The following LMX1A variants were observed in gnomAD, a reference collection of about 807,000 sequenced individuals.
LMX1A encodes the protein LIM homeobox transcription factor 1-alpha.
Under a neutral mutation model 49.1 loss-of-function variants are expected in LMX1A, and 15 were observed. The observed-to-expected ratio is 0.31, with a 90% CI of 0.20 to 0.47. LMX1A has a LOEUF of 0.47. Ranked by LOEUF, LMX1A falls within the 20% of genes least tolerant of loss-of-function variation. LMX1A has a pLI of 1.00. For synonymous variants in LMX1A, 167 were observed against 185.7 expected, an observed-to-expected ratio of 0.90 and a Z score of 0.82; for missense variants, 372 against 475.8, an observed-to-expected ratio of 0.78 and a Z score of 2.03.
intron 4 of LMX1A, among the ~76,000 whole-genome samples, chr1:165,233,115 C>T (rs951046655): frequency 3.3e-5 from 5 of 152,168 alleles, no homozygotes; most frequent in Non-Finnish European, 5.9e-5. Flanking sequence ...TTTCCCATAG[C>T]CATGAAGACT....
intron 4 of LMX1A, among the ~76,000 whole-genome samples, chr1:165,245,760 C>G (rs1405569390): frequency 6.6e-6 from 1 of 152,032 alleles, no homozygotes; most frequent in African/African-American, 2.4e-5. Flanking sequence ...TCCCTCAAAA[C>G]AGGCACTATT....
At chr1:165,326,409 G>T (rs1475862465) in intron 3 of LMX1A, among the ~76,000 whole-genome samples, 1 of 152,174 alleles carries the variant, frequency 6.6e-6, no homozygotes, top group African/African-American at 2.4e-5. Flanking sequence ...CCACAAATGT[G>T]TTCCTCTCTC....
intron 3 of LMX1A, among the ~76,000 whole-genome samples, chr1:165,280,067 A>G (rs1654100019): frequency 1.3e-5 from 2 of 152,196 alleles, no homozygotes; most frequent in African/African-American, 4.8e-5. Context: ...CACACCGAGC[A>G]GGCTGAACCA....
chr1:165,336,963 G>A (rs1241812699), intron 3 of LMX1A, among the ~76,000 whole-genome samples: 1 of 152,222 alleles, frequency 6.6e-6, no homozygotes, highest in African/African-American at 2.4e-5. Flanking sequence ...GATGGGGAGA[G>A]TAGAAGTGGG....
chr1:165,268,805 A>C (rs1033768890), intron 3 of LMX1A, among the ~76,000 whole-genome samples: 1 of 152,236 alleles, frequency 6.6e-6, no homozygotes, highest in Admixed American at 6.5e-5. Flanking sequence ...AAAATAGTAC[A>C]CAGTTATCCA....
chr1:165,263,113 CT>C (rs1653496942), intron 3 of LMX1A, among the ~76,000 whole-genome samples: 1 of 152,208 alleles, frequency 6.6e-6, no homozygotes, highest in African/African-American at 2.4e-5. Flanking sequence ...GTTTAGTTCT[CT>C]TCTTTATCTA....
chr1:165,278,828 A>AT (rs1243723797), intron 3 of LMX1A, among the ~76,000 whole-genome samples: 3 of 152,206 alleles, frequency 2.0e-5, no homozygotes, highest in Admixed American at 1.3e-4. Flanking sequence ...GACAGAGTGG[A>AT]ACTGGAGCAT....
At chr1:165,278,131 T>C (rs2101702955) in intron 3 of LMX1A, among the ~76,000 whole-genome samples, 1 of 152,286 alleles carries the variant, frequency 6.6e-6, no homozygotes, top group South Asian at 2.1e-4. Flanking sequence ...GTCACAAAGC[T>C]AATAAGTGGC....
At chr1:165,306,122 C>T (rs1654913157) in intron 3 of LMX1A, among the ~76,000 whole-genome samples, 1 of 152,226 alleles carries the variant, frequency 6.6e-6, no homozygotes, top group Non-Finnish European at 1.5e-5. Flanking sequence ...AATTCATACC[C>T]ACCCATCAGA....
intron 3 of LMX1A, among the ~76,000 whole-genome samples, chr1:165,302,281 T>A (rs1166521868): frequency 6.6e-6 from 1 of 151,746 alleles, no homozygotes; most frequent in African/African-American, 2.4e-5. Context: ...CCATCTCTAC[T>A]AAAAATACAA....
At chr1:165,293,472 C>A (rs755578177) in intron 3 of LMX1A, among the ~76,000 whole-genome samples, 47 of 152,270 alleles carry the variant, frequency 3.1e-4, no homozygotes, top group Non-Finnish European at 6.3e-4. Context: ...TTATTAAGAC[C>A]TTTTCCAGCT....
At chr1:165,207,183 C>T (rs1651121633) in intron 7 of LMX1A, among the ~76,000 whole-genome samples, 2 of 152,276 alleles carry the variant, frequency 1.3e-5, no homozygotes, top group South Asian at 2.1e-4. Context: ...AGGTGACTTA[C>T]GTGCATATTA....
chr1:165,278,024 A>C (rs1654022352), intron 3 of LMX1A, among the ~76,000 whole-genome samples: 1 of 152,238 alleles, frequency 6.6e-6, no homozygotes, highest in Admixed American at 6.5e-5. Context: ...ATATCAGCTA[A>C]TTTAATCCTT....
At chr1:165,274,325 T>A (rs1429576140) in intron 3 of LMX1A, among the ~76,000 whole-genome samples, 1 of 152,190 alleles carries the variant, frequency 6.6e-6, no homozygotes, top group Non-Finnish European at 1.5e-5. Flanking sequence ...TTTATAAATA[T>A]TGGTTTATAT....
intron 3 of LMX1A, among the ~76,000 whole-genome samples, chr1:165,274,910 T>C (rs1054849831): frequency 1.3e-5 from 2 of 152,194 alleles, no homozygotes; most frequent in African/African-American, 4.8e-5. Flanking sequence ...GAGGATTAAA[T>C]ACAATAAGGC....
intron 3 of LMX1A, among the ~76,000 whole-genome samples, chr1:165,337,898 G>GTGTGTGTGTGT (rs1198617421): frequency 5.9e-5 from 9 of 151,764 alleles, no homozygotes; most frequent in South Asian, 4.2e-4. Context: ...CTGTGTGTGT[G>GTGTGTGTGTGT]TGTGTGTGTT....
chr1:165,322,659 T>G (rs553803485), intron 3 of LMX1A, among the ~76,000 whole-genome samples: 2 of 152,248 alleles, frequency 1.3e-5, no homozygotes, highest in African/African-American at 4.8e-5. Flanking sequence ...AAGTAGGGGC[T>G]CTGGTAAAGG....
chr1:165,274,418 G>A (rs962009041), intron 3 of LMX1A, among the ~76,000 whole-genome samples: 1 of 152,206 alleles, frequency 6.6e-6, no homozygotes, highest in Non-Finnish European at 1.5e-5. Context: ...TTAGCATACA[G>A]TAGGTACTTA....
chr1:165,324,627 T>A (rs1165850435), intron 3 of LMX1A, among the ~76,000 whole-genome samples: 1 of 152,194 alleles, frequency 6.6e-6, no homozygotes, highest in Non-Finnish European at 1.5e-5. Context: ...AGTTTTGGAT[T>A]AATAAAATAA....
Sources: allele counts gnomAD v4.1 joint callset (sites outside exome capture counted in the v4.1 genomes callset), GRCh38; gene constraint gnomAD v4.1.1; transcripts MANE v1.5; gene names NCBI Gene and HGNC (gene_info 2026-07-23, HGNC 2026-07-21).